MAGI2: variants seen among roughly 807,000 people sequenced by gnomAD.
MAGI2 encodes the protein membrane-associated guanylate kinase, WW and PDZ domain-containing protein 2.
In MAGI2, 35 loss-of-function variants were observed where a neutral mutation model predicts 133.3. The observed-to-expected ratio is 0.26, with a 90% CI of 0.20 to 0.35. The LOEUF (loss-of-function observed/expected upper bound fraction) is 0.35, where lower values mean the gene tolerates loss of function less well. Ranked by LOEUF, MAGI2 falls within the 10% of genes least tolerant of loss-of-function variation. MAGI2 has a pLI of 1.00. For synonymous variants in MAGI2, 729 were observed against 710.6 expected (o/e 1.03, Z -0.41); for missense variants, 1,636 against 1,863.4 (o/e 0.88, Z 2.25).
intron 2 of MAGI2, among the ~76,000 whole-genome samples, chr7:78,630,999 T>C (rs1436424297): frequency 2.0e-5 from 3 of 151,968 alleles, no homozygotes; most frequent in Non-Finnish European, 2.9e-5. Flanking sequence ...CTAGACCCCA[T>C]GTCTATTTTT....
At chr7:78,598,414 A>T (rs1428277786) in intron 3 of MAGI2, among the ~76,000 whole-genome samples, 1 of 152,044 alleles carries the variant, frequency 6.6e-6, no homozygotes, top group Admixed American at 6.6e-5. Context: ...TTGAGTTATG[A>T]GAGGGCATGG....
chr7:78,576,862 T>A (rs1802318911), intron 3 of MAGI2, among the ~76,000 whole-genome samples: 4 of 152,082 alleles, frequency 2.6e-5, no homozygotes, highest in Admixed American at 1.3e-4. Flanking sequence ...ACTTTGGGAG[T>A]CTGAGGCAGG....
chr7:78,625,896 TGTGTCAG>T (rs1167749938), intron 3 of MAGI2, among the ~76,000 whole-genome samples: 1 of 152,196 alleles, frequency 6.6e-6, no homozygotes, highest in Non-Finnish European at 1.5e-5. Flanking sequence ...TAGCCTAGAA[TGTGTCAG>T]GCTGTAGCAT....
intron 2 of MAGI2, among the ~76,000 whole-genome samples, chr7:78,886,096 A>G (rs1796239842): frequency 6.6e-6 from 1 of 152,244 alleles, no homozygotes; most frequent in South Asian, 2.1e-4. Flanking sequence ...GCATCAACAA[A>G]TTGCCCAAAG....
chr7:79,212,507 G>A (rs982559778), intron 1 of MAGI2, among the ~76,000 whole-genome samples: 1 of 152,062 alleles, frequency 6.6e-6, no homozygotes, highest in Admixed American at 6.5e-5. Flanking sequence ...TGCCAGTGCA[G>A]GGTAGTACAA....
intron 1 of MAGI2, among the ~76,000 whole-genome samples, chr7:79,434,616 A>G (rs1008577774): frequency 2.0e-5 from 3 of 152,240 alleles, no homozygotes; most frequent in African/African-American, 7.2e-5. Flanking sequence ...AACTCTAAAT[A>G]TATTCAGAAA....
At chr7:78,687,242 G>A (rs746160456) in intron 2 of MAGI2, among the ~76,000 whole-genome samples, 1 of 152,044 alleles carries the variant, frequency 6.6e-6, no homozygotes, top group Non-Finnish European at 1.5e-5. Flanking sequence ...TTGATTATAC[G>A]ATCAGGAGTA....
At chr7:78,725,172 A>G (rs2151209557) in intron 2 of MAGI2, among the ~76,000 whole-genome samples, 1 of 152,318 alleles carries the variant, frequency 6.6e-6, no homozygotes, top group African/African-American at 2.4e-5. Context: ...CTGGTTAACA[A>G]TTTACGTCTT....
chr7:78,662,453 C>T (rs1346761275), intron 2 of MAGI2, among the ~76,000 whole-genome samples: 1 of 152,186 alleles, frequency 6.6e-6, no homozygotes, highest in Non-Finnish European at 1.5e-5. Flanking sequence ...TCTATCTTAG[C>T]AACACTTTGC....
At chr7:78,593,211 T>C (rs901749942) in intron 3 of MAGI2, among the ~76,000 whole-genome samples, 1 of 151,338 alleles carries the variant, frequency 6.6e-6, no homozygotes, top group African/African-American at 2.4e-5. Context: ...GCTAACACGG[T>C]GAAACCCTGT....
At chr7:79,079,456 G>A (rs1815838638) in intron 1 of MAGI2, among the ~76,000 whole-genome samples, 2 of 152,092 alleles carry the variant, frequency 1.3e-5, no homozygotes, top group Admixed American at 1.3e-4. Flanking sequence ...TATTCTCCAA[G>A]GGAAGAGGAA....
At chr7:78,680,492 A>G (rs892576313) in intron 2 of MAGI2, among the ~76,000 whole-genome samples, 16 of 152,144 alleles carry the variant, frequency 1.1e-4, no homozygotes, top group Non-Finnish European at 1.9e-4. Flanking sequence ...AAGAGAGGCT[A>G]TATTTTACAA....
At chr7:78,753,817 G>C (rs73365873) in intron 2 of MAGI2, among the ~76,000 whole-genome samples, 6,449 of 151,826 alleles carry the variant, frequency 0.042, 431 homozygotes, top group African/African-American at 0.14. Flanking sequence ...ATATTATACA[G>C]AGGGAAGTAT....
intron 2 of MAGI2, among the ~76,000 whole-genome samples, chr7:78,810,173 A>ATTT (rs201610200): frequency 5.4e-4 from 81 of 150,150 alleles, no homozygotes; most frequent in South Asian, 6.3e-4. Flanking sequence ...TAAGTTATAG[A>ATTT]TTTTTTTTTT....
At chr7:78,503,887 C>T (rs1168843230) in intron 4 of MAGI2, among the ~76,000 whole-genome samples, 4 of 151,740 alleles carry the variant, frequency 2.6e-5, no homozygotes, top group Non-Finnish European at 5.9e-5. Flanking sequence ...CCTGAGGCCT[C>T]CTCAGCCATG....
chr7:78,536,563 A>G (rs1253943535), intron 3 of MAGI2, among the ~76,000 whole-genome samples: 6 of 152,150 alleles, frequency 3.9e-5, no homozygotes, highest in African/African-American at 1.2e-4. Flanking sequence ...CCAAAGGAGA[A>G]AAACAGAAAA....
chr7:79,043,836 G>A (rs190583456), intron 1 of MAGI2, among the ~76,000 whole-genome samples: 8 of 152,150 alleles, frequency 5.3e-5, no homozygotes, highest in Non-Finnish European at 7.4e-5. Flanking sequence ...ACACTCCCAA[G>A]ATTGAAAGAG....
At chr7:78,348,453 G>C (rs1388765242) in intron 7 of MAGI2, 2 of 151,952 alleles carry the variant, frequency 1.3e-5, no homozygotes, top group Admixed American at 1.3e-4. Context: ...TACTATTATT[G>C]AAGTGTTGCA....
intron 3 of MAGI2, chr7:78,617,650 T>C (rs1807255605): frequency 6.6e-6 from 1 of 152,082 alleles, no homozygotes; most frequent in Non-Finnish European, 1.5e-5. Flanking sequence ...AAATATTACT[T>C]TATAAATTTT....
Sources: allele counts gnomAD v4.1 joint callset (sites outside exome capture counted in the v4.1 genomes callset), GRCh38; gene constraint gnomAD v4.1.1; transcripts MANE v1.5; gene names NCBI Gene and HGNC (gene_info 2026-07-23, HGNC 2026-07-21).